Variants in BABAM2 observed in about 807,000 individuals in gnomAD.
The protein encoded by BABAM2 is BRISC and BRCA1 A complex member 2.
BABAM2 carries 31 observed loss-of-function variants against 54.7 expected under a neutral mutation model. The ratio of observed to expected loss-of-function variants is 0.57; its 90% CI spans 0.43 to 0.77. BABAM2 has a LOEUF of 0.77. BABAM2 is among the 30% of genes least tolerant of loss of function. The pLI is 0.00. For synonymous variants in BABAM2, 167 were observed against 162.9 expected, an observed-to-expected ratio of 1.03 and a Z score of -0.19; for missense variants, 364 against 455.8, an observed-to-expected ratio of 0.80 and a Z score of 1.83.
chr2:28,212,857 G>A (rs1003739168), intron 7 of BABAM2, among the ~76,000 whole-genome samples: 1 of 6,302 alleles, frequency 1.6e-4, no homozygotes, highest in Non-Finnish European at 2.9e-3. Flanking sequence ...ATCTTACTGA[G>A]GGTAATTCTT....
chr2:28,075,707 T>C (rs1305294843), intron 6 of BABAM2, among the ~76,000 whole-genome samples: 1 of 152,208 alleles, frequency 6.6e-6, no homozygotes, highest in Admixed American at 6.5e-5. Context: ...AAATGCAGTA[T>C]GCAGTATTTG....
At chr2:28,330,185 A>G (rs1489385282) in intron 11 of BABAM2, among the ~76,000 whole-genome samples, 2 of 152,208 alleles carry the variant, frequency 1.3e-5, no homozygotes, top group Non-Finnish European at 2.9e-5. Context: ...ACATACCTCA[A>G]AATAATAAGA....
intron 11 of BABAM2, among the ~76,000 whole-genome samples, chr2:28,337,895 T>C (rs573208796): frequency 6.6e-6 from 1 of 152,258 alleles, no homozygotes; most frequent in South Asian, 2.1e-4. Flanking sequence ...GCTGAGGCAG[T>C]AGGATCACTT....
intron 4 of BABAM2, among the ~76,000 whole-genome samples, chr2:28,009,115 G>A (rs181408788): frequency 3.9e-5 from 6 of 152,170 alleles, no homozygotes; most frequent in Admixed American, 6.5e-5. Context: ...AAAATTCATC[G>A]GAAAAGTAAG....
intron 7 of BABAM2, among the ~76,000 whole-genome samples, chr2:28,194,852 T>G (rs561176150): frequency 6.6e-6 from 1 of 152,198 alleles, no homozygotes; most frequent in South Asian, 2.1e-4. Context: ...GAGCCACTGT[T>G]ACTTGCCAAA....
chr2:28,054,830 C>T (rs1481950986), intron 6 of BABAM2, among the ~76,000 whole-genome samples: 2 of 152,186 alleles, frequency 1.3e-5, no homozygotes, highest in Non-Finnish European at 2.9e-5. Flanking sequence ...GCTTACCACA[C>T]AGGATTGTTG....
chr2:28,326,441 T>C (rs75973168), intron 11 of BABAM2, among the ~76,000 whole-genome samples: 1,980 of 152,150 alleles, frequency 0.013, 25 homozygotes, highest in South Asian at 0.042. Context: ...GGCTCTTCTC[T>C]GGGTTCCCAG....
chr2:28,022,528 T>G (rs1675348269), intron 4 of BABAM2, among the ~76,000 whole-genome samples: 1 of 152,210 alleles, frequency 6.6e-6, no homozygotes, highest in Non-Finnish European at 1.5e-5. Flanking sequence ...TTGCTTTTGT[T>G]TATTTTCTTT....
chr2:28,199,377 T>A (rs1264039448), intron 7 of BABAM2, among the ~76,000 whole-genome samples: 8 of 152,256 alleles, frequency 5.3e-5, no homozygotes, highest in Non-Finnish European at 8.8e-5. Context: ...CTACATTTGC[T>A]GTTTGAGTGG....
At chr2:28,019,775 G>T (rs377721668) in intron 4 of BABAM2, among the ~76,000 whole-genome samples, 4 of 152,054 alleles carry the variant, frequency 2.6e-5, no homozygotes, top group African/African-American at 7.2e-5. Context: ...TTATGTTTTT[G>T]TTGGCCATGT....
intron 4 of BABAM2, among the ~76,000 whole-genome samples, chr2:27,990,423 G>A (rs1273337423): frequency 2.0e-5 from 3 of 152,114 alleles, no homozygotes; most frequent in African/African-American, 7.2e-5. Context: ...TCCCCTTCCT[G>A]TAGTGCTCAG....
chr2:28,166,873 A>G (rs1188522749), intron 7 of BABAM2, among the ~76,000 whole-genome samples: 2 of 152,058 alleles, frequency 1.3e-5, no homozygotes, highest in East Asian at 3.9e-4. Context: ...TGTGCCATCT[A>G]TTTCATGCCA....
chr2:27,915,440 T>G (rs1045878675), intron 2 of BABAM2, among the ~76,000 whole-genome samples: 4 of 152,204 alleles, frequency 2.6e-5, no homozygotes, highest in African/African-American at 9.6e-5. Flanking sequence ...ATTTTACAAA[T>G]GAGAACACTG....
chr2:28,293,340 A>G (rs1265648123), intron 10 of BABAM2, among the ~76,000 whole-genome samples: 1 of 152,150 alleles, frequency 6.6e-6, no homozygotes, highest in East Asian at 1.9e-4. Flanking sequence ...ATACCACCTT[A>G]CTAGAGTTGT....
chr2:28,099,662 A>C (rs927901672), intron 6 of BABAM2, among the ~76,000 whole-genome samples: 3 of 152,188 alleles, frequency 2.0e-5, no homozygotes, highest in Non-Finnish European at 4.4e-5. Flanking sequence ...TTTTTGGAAA[A>C]TAAGACTATA....
At chr2:28,162,262 A>T (rs796779236) in intron 7 of BABAM2, among the ~76,000 whole-genome samples, 12 of 152,310 alleles carry the variant, frequency 7.9e-5, no homozygotes, top group African/African-American at 2.6e-4. Context: ...GACAGTAAAG[A>T]CAAAGGGCAC....
chr2:28,197,574 A>G (rs1677745717), intron 7 of BABAM2, among the ~76,000 whole-genome samples: 1 of 152,212 alleles, frequency 6.6e-6, no homozygotes, highest in Non-Finnish European at 1.5e-5. Flanking sequence ...AGTAAAAGGG[A>G]TGAGATAGAT....
intron 11 of BABAM2, among the ~76,000 whole-genome samples, chr2:28,311,389 TTC>T (rs1457966760): frequency 6.6e-6 from 1 of 152,154 alleles, no homozygotes; most frequent in Non-Finnish European, 1.5e-5. Context: ...GGGTCACGTA[TTC>T]TCTTTCCTGG....
At chr2:27,955,753 G>T (rs1229397185) in intron 3 of BABAM2, among the ~76,000 whole-genome samples, 2 of 152,146 alleles carry the variant, frequency 1.3e-5, no homozygotes, top group Admixed American at 1.3e-4. Flanking sequence ...TCAGCATTGG[G>T]TAAGACTATT....
Sources: gnomAD v4.1 joint callset for allele counts (sites outside exome capture counted in the v4.1 genomes callset) on GRCh38, gnomAD v4.1.1 for gene constraint, MANE v1.5 for transcripts, NCBI Gene and HGNC (gene_info 2026-07-23, HGNC 2026-07-21) for gene names.